The following FRAS1 variants were observed in gnomAD, a reference collection of about 807,000 sequenced individuals.
The protein encoded by FRAS1 is Fraser extracellular matrix complex subunit 1.
A neutral mutation model predicts 435.2 loss-of-function variants in FRAS1; 290 were observed. That is an observed-to-expected ratio of 0.67 (90% confidence interval 0.61 to 0.73). The LOEUF (loss-of-function observed/expected upper bound fraction) is 0.73, where lower values mean the gene tolerates loss of function less well. FRAS1 is among the 30% of genes least tolerant of loss of function. The pLI, the probability that FRAS1 is intolerant of heterozygous loss-of-function variation, is 0.00. For missense variants in FRAS1, 4,860 were observed against 5,001.5 expected (o/e 0.97, Z 0.85); for synonymous variants, 1,800 against 1,851.0 (o/e 0.97, Z 0.71).
intron 23 of FRAS1, among the ~76,000 whole-genome samples, chr4:78,371,632 T>A (rs1302337720): frequency 6.6e-6 from 1 of 152,172 alleles, no homozygotes; most frequent in Admixed American, 6.5e-5. Flanking sequence ...GATTGTAGGA[T>A]AATATAGAGA....
Position 78,499,840 on chromosome 4 carries a change from G to T in FRAS1, c.9235G>T (p.Val3079Phe). Residue 3079 changes from valine to phenylalanine, a missense_variant, in exon 61 of 74, where the codon GTT becomes TTT. Physicochemically the swap from Val to Phe is conservative, Grantham distance 50. Transcript: ENST00000512123. ...AGGGGATCAGAACAGGACCTCCAAG[G>T]TTCGCTGCAGCACGCGGGATGGCTC... is the stretch of plus-strand genomic sequence containing the variant. ...RRGDQNRTSK[V>F]RCSTRDGSAQ... 6.2e-7 allele frequency: 1 copy of T among 1,613,588 alleles called. No homozygotes were observed. Among genetic ancestry groups the T allele is most frequent in the Admixed American group, 1.7e-5 (1 of 60,022 alleles).
chr4:78,380,094 C>T (rs1731955007), intron 27 of FRAS1, 98 bp downstream of exon 27: 1 of 1,341,912 alleles, frequency 7.5e-7, no homozygotes, highest in Non-Finnish European at 1.0e-6. Context: ...ATAGCTAACC[C>T]TTCTCATCTG....
chr4:78,421,413 GT>G, intron 33 of FRAS1, among the ~76,000 whole-genome samples: 1 of 152,292 alleles, frequency 6.6e-6, no homozygotes, highest in African/African-American at 2.4e-5. Flanking sequence ...CTCCCAAAGT[GT>G]TGGGATTATG....
chr4:78,414,735 C>G (rs1733482264), intron 32 of FRAS1, among the ~76,000 whole-genome samples: 1 of 152,210 alleles, frequency 6.6e-6, no homozygotes, highest in African/African-American at 2.4e-5. Context: ...CATTCAGTCT[C>G]TCATTCATAA....
intron 20 of FRAS1, among the ~76,000 whole-genome samples, chr4:78,344,543 G>C (rs570270461): frequency 7.1e-6 from 1 of 140,760 alleles, no homozygotes; most frequent in South Asian, 2.2e-4. Flanking sequence ...TGTACTCCAT[G>C]ATGCAAGTAC....
intron 2 of FRAS1, among the ~76,000 whole-genome samples, chr4:78,081,753 T>C (rs532170030): frequency 6.6e-6 from 1 of 152,112 alleles, no homozygotes; most frequent in Non-Finnish European, 1.5e-5. Flanking sequence ...CCTGAGCAGC[T>C]GCCTCAGGGC....
chr4:78,142,888 G>A (rs1720254368), intron 2 of FRAS1, among the ~76,000 whole-genome samples: 1 of 151,932 alleles, frequency 6.6e-6, no homozygotes, highest in Admixed American at 6.6e-5. Flanking sequence ...CAACTAACAA[G>A]CAAATAGAGG....
chr4:78,100,176 A>G (rs1391004188), intron 2 of FRAS1, among the ~76,000 whole-genome samples: 1 of 152,198 alleles, frequency 6.6e-6, no homozygotes, highest in Non-Finnish European at 1.5e-5. Flanking sequence ...GCTTTCACTT[A>G]CTGTTATGTG....
chr4:78,171,460 A>G (rs4130449), intron 2 of FRAS1, among the ~76,000 whole-genome samples: 48,221 of 152,076 alleles, frequency 0.32, 8,216 homozygotes, highest in Middle Eastern at 0.43. Flanking sequence ...ATCATATACT[A>G]TGCTTAGAAT....
chr4:78,480,879 G>A (rs542336474), intron 56 of FRAS1, among the ~76,000 whole-genome samples: 3 of 152,350 alleles, frequency 2.0e-5, no homozygotes, highest in African/African-American at 4.8e-5. Context: ...AGCACTTACC[G>A]AATGCCGGGC....
chr4:78,125,738 C>T (rs538213287), intron 2 of FRAS1, among the ~76,000 whole-genome samples: 3 of 152,258 alleles, frequency 2.0e-5, no homozygotes, highest in South Asian at 2.1e-4. Context: ...TCTGCCTGAT[C>T]GTTCTTCTGG....
chr4:78,308,850 C>A (rs1490502522), intron 15 of FRAS1, among the ~76,000 whole-genome samples: 1 of 152,144 alleles, frequency 6.6e-6, no homozygotes, highest in East Asian at 1.9e-4. Context: ...ACTTGTGAAA[C>A]GGGGATAATA....
chr4:78,522,245 T>C (rs1038408705), intron 68 of FRAS1, among the ~76,000 whole-genome samples: 7 of 152,232 alleles, frequency 4.6e-5, no homozygotes, highest in Admixed American at 4.6e-4. Flanking sequence ...ATGTGACTTT[T>C]ATCTGATGCT....
At chr4:78,292,698 G>T (rs550230622) in intron 14 of FRAS1, among the ~76,000 whole-genome samples, 7 of 152,132 alleles carry the variant, frequency 4.6e-5, no homozygotes, top group African/African-American at 2.4e-5. Context: ...AGCCCTCCTC[G>T]CAAGACAGGG....
In FRAS1 at chr4:78,439,017, CCTG is replaced by C. The variant is rs755970533; in HGVS notation, c.5486_5488del (p.Ala1829del). 1 of 1,613,504 alleles carries C rather than the reference CCTG, an allele frequency of 6.2e-7. No homozygotes were observed. The highest frequency in any genetic ancestry group is 1.3e-5 in the African/African-American group (1 of 75,006). ...TCAGATATTTACCATCATGATCACT[CCTG>C]CTGAAAATCCACCTCCAGTCATTGC... On this transcript the variant is annotated inframe_deletion, in exon 40 of 74. Coordinates refer to ENST00000512123, the MANE Select transcript of FRAS1 (RefSeq NM_025074.7).
intron 15 of FRAS1, among the ~76,000 whole-genome samples, chr4:78,312,830 TGAAA>T (rs1330546636): frequency 7.9e-6 from 1 of 127,144 alleles, no homozygotes; most frequent in Non-Finnish European, 1.7e-5. Context: ...AGACCCTGTC[TGAAA>T]GAAAGAAAAA....
intron 15 of FRAS1, among the ~76,000 whole-genome samples, chr4:78,309,173 G>A (rs1017339090): frequency 6.6e-6 from 1 of 152,158 alleles, no homozygotes; most frequent in Non-Finnish European, 1.5e-5. Context: ...CTGGGAAAAG[G>A]CAAGGAAACA....
chr4:78,413,589 T>C, intron 32 of FRAS1, among the ~76,000 whole-genome samples: 1 of 151,988 alleles, frequency 6.6e-6, no homozygotes, highest in East Asian at 1.9e-4. Context: ...TTGGGAGGAA[T>C]GGAGAGGTGA....
chr4:78,506,406 C>T (rs370570352), intron 61 of FRAS1, among the ~76,000 whole-genome samples: 3 of 152,252 alleles, frequency 2.0e-5, no homozygotes, highest in East Asian at 1.9e-4. Flanking sequence ...TGGGCTCCCC[C>T]CAGTTCGAGC....
Sources: gnomAD v4.1 joint callset for allele counts (sites outside exome capture counted in the v4.1 genomes callset) on GRCh38, gnomAD v4.1.1 for gene constraint, MANE v1.5 for transcripts, NCBI Gene and HGNC (gene_info 2026-07-23, HGNC 2026-07-21) for gene names.